Variants in AKAP13 observed in about 807,000 individuals in gnomAD.
AKAP13 encodes A-kinase anchoring protein 13, also known as A-kinase anchor protein 13.
In AKAP13, 80 loss-of-function variants were observed where a neutral mutation model predicts 264.5. The observed-to-expected ratio is 0.30, with a 90% CI of 0.25 to 0.36. The LOEUF (loss-of-function observed/expected upper bound fraction) is 0.36, where lower values mean the gene tolerates loss of function less well. Ranked by LOEUF, AKAP13 falls within the 10% of genes least tolerant of loss-of-function variation. The pLI, the probability that AKAP13 is intolerant of heterozygous loss-of-function variation, is 1.00. For missense variants in AKAP13, 3,712 were observed against 3,435.2 expected, an observed-to-expected ratio of 1.08 and a Z score of -2.01; for synonymous variants, 1,380 against 1,250.2, an observed-to-expected ratio of 1.10 and a Z score of -2.19.
chr15:85,430,330 C>T (rs1340085212), intron 1 of AKAP13, among the ~76,000 whole-genome samples: 1 of 152,160 alleles, frequency 6.6e-6, no homozygotes, highest in African/African-American at 2.4e-5. Flanking sequence ...TTATTTTCTG[C>T]CTTATAGTAG....
At chr15:85,487,795 G>A (rs768928823) in intron 2 of AKAP13, among the ~76,000 whole-genome samples, 13 of 151,462 alleles carry the variant, frequency 8.6e-5, no homozygotes, top group Non-Finnish European at 1.5e-4. Context: ...GCAGTGACAT[G>A]ATCATAGCTC....
chr15:85,656,589 G>A (rs544152639), intron 11 of AKAP13, among the ~76,000 whole-genome samples: 1 of 152,292 alleles, frequency 6.6e-6, no homozygotes, highest in East Asian at 1.9e-4. Flanking sequence ...TGGGACTACA[G>A]GCGCCCGCCA....
At chr15:85,448,775 T>C (rs909638950) in intron 1 of AKAP13, among the ~76,000 whole-genome samples, 1 of 152,120 alleles carries the variant, frequency 6.6e-6, no homozygotes, top group Non-Finnish European at 1.5e-5. Flanking sequence ...TAGCCTTTAG[T>C]ATAGTTTGAA....
chr15:85,695,426 G>A (rs542006579), intron 17 of AKAP13, among the ~76,000 whole-genome samples: 5 of 152,224 alleles, frequency 3.3e-5, no homozygotes, highest in Admixed American at 2.0e-4. Flanking sequence ...ACAAAAAAAC[G>A]TGTATTTGGA....
At chr15:85,570,327 C>A (rs2078771602) in intron 5 of AKAP13, among the ~76,000 whole-genome samples, 1 of 152,212 alleles carries the variant, frequency 6.6e-6, no homozygotes, top group Admixed American at 6.5e-5. Context: ...GGCACACGCC[C>A]TGTAATCCCT....
chr15:85,532,757 T>C (rs2077281347), intron 3 of AKAP13, among the ~76,000 whole-genome samples: 1 of 152,236 alleles, frequency 6.6e-6, no homozygotes, highest in Non-Finnish European at 1.5e-5. Context: ...TGGTGTTAAA[T>C]CTTGCTGACC....
At chr15:85,481,223 C>G (rs1455765235) in intron 1 of AKAP13, among the ~76,000 whole-genome samples, 1 of 152,114 alleles carries the variant, frequency 6.6e-6, no homozygotes, top group African/African-American at 2.4e-5. Context: ...GCATGAATTT[C>G]AAAAATCTCC....
At chr15:85,712,805 A>G (rs138748702) in intron 19 of AKAP13, among the ~76,000 whole-genome samples, 325 of 152,246 alleles carry the variant, frequency 2.1e-3, no homozygotes, top group African/African-American at 7.4e-3. Flanking sequence ...TGGCCTCCCA[A>G]AGTGCTGGGA....
At chr15:85,604,942 T>C (rs928487296) in intron 8 of AKAP13, among the ~76,000 whole-genome samples, 2 of 152,208 alleles carry the variant, frequency 1.3e-5, no homozygotes, top group African/African-American at 4.8e-5. Context: ...AACATCTTCA[T>C]AGGGCAGTCA....
intron 2 of AKAP13, among the ~76,000 whole-genome samples, chr15:85,516,730 A>G (rs982821874): frequency 1.3e-5 from 2 of 152,204 alleles, no homozygotes; most frequent in Non-Finnish European, 2.9e-5. Context: ...GCCCTCATTT[A>G]TATCATTTGC....
chr15:85,743,969 G>C, intron 36 of AKAP13, 144 bp downstream of exon 36: 1 of 947,800 alleles, frequency 1.1e-6, no homozygotes, highest in East Asian at 2.6e-5. Flanking sequence ...CACCAGCTCC[G>C]CTTGCTAAGA....
At chr15:85,678,486 C>T (rs761907885) in intron 14 of AKAP13, among the ~76,000 whole-genome samples, 1 of 152,126 alleles carries the variant, frequency 6.6e-6, no homozygotes, top group Non-Finnish European at 1.5e-5. Flanking sequence ...ATAAGATGAT[C>T]CCAGTTGTAA....
chr15:85,477,547 C>T (rs896229970), intron 1 of AKAP13, among the ~76,000 whole-genome samples: 16 of 142,138 alleles, frequency 1.1e-4, no homozygotes, highest in Non-Finnish European at 2.3e-4. Context: ...TTACGCTACA[C>T]AATTACAAAC....
In AKAP13 at chr15:85,655,794, T is replaced by A. The variant is rs374354153; in HGVS notation, c.4745+7T>A. On this transcript the variant is annotated splice_region_variant and intron_variant, in intron 11 of 36. Transcript: ENST00000394518. Reference sequence around the variant, plus strand: ...CAGAAATGAACCACCGGAGGTGAGATGGGAGGCGGTTTGTTTAGTGTCTCA... The same window carrying A: ...CAGAAATGAACCACCGGAGGTGAGAAGGGAGGCGGTTTGTTTAGTGTCTCA... 6.3e-7 allele frequency: 1 copy of A among 1,599,662 alleles called. No homozygotes were observed.
At chr15:85,549,382 T>C (rs1217192194) in intron 5 of AKAP13, among the ~76,000 whole-genome samples, 3 of 152,336 alleles carry the variant, frequency 2.0e-5, no homozygotes, top group East Asian at 3.9e-4. Flanking sequence ...TGCTGAAATA[T>C]TTCAGTTGCC....
At chr15:85,427,433 G>A (rs575456608) in intron 1 of AKAP13, among the ~76,000 whole-genome samples, 1 of 151,830 alleles carries the variant, frequency 6.6e-6, no homozygotes, top group African/African-American at 2.4e-5. Context: ...AATCCTAAAC[G>A]CTTGATAGAG....
intron 1 of AKAP13, among the ~76,000 whole-genome samples, chr15:85,472,333 C>G: frequency 6.7e-6 from 1 of 150,294 alleles, no homozygotes; most frequent in Non-Finnish European, 1.5e-5. Flanking sequence ...ATAGTAAGAC[C>G]CATCTCTTAA....
intron 29 of AKAP13, among the ~76,000 whole-genome samples, chr15:85,729,045 A>C (rs1268546062): frequency 1.3e-5 from 2 of 152,154 alleles, no homozygotes; most frequent in Non-Finnish European, 2.9e-5. Flanking sequence ...TCATGCCTGT[A>C]ATCCCAGCAC....
At chr15:85,508,899 A>G (rs113602924) in intron 2 of AKAP13, among the ~76,000 whole-genome samples, 2 of 152,002 alleles carry the variant, frequency 1.3e-5, no homozygotes, top group African/African-American at 4.8e-5. Flanking sequence ...TTCAGCTCAA[A>G]TTTGCCTTCC....
Sources: gnomAD v4.1 joint callset for allele counts (sites outside exome capture counted in the v4.1 genomes callset) on GRCh38, gnomAD v4.1.1 for gene constraint, MANE v1.5 for transcripts, NCBI Gene and HGNC (gene_info 2026-07-23, HGNC 2026-07-21) for gene names.